Variants in NADSYN1 observed in about 807,000 individuals in gnomAD.
The protein encoded by NADSYN1 is NAD synthetase 1, also known as glutamine-dependent NAD(+) synthetase.
Under a neutral mutation model 99.3 loss-of-function variants are expected in NADSYN1, and 80 were observed. That is an observed-to-expected ratio of 0.81 (90% CI 0.67 to 0.97). The LOEUF is 0.97. NADSYN1 is among the 50% of genes least tolerant of loss of function. The pLI is 0.00. For synonymous variants in NADSYN1, 385 were observed against 372.1 expected (o/e 1.03, Z -0.40); for missense variants, 859 against 948.5 (o/e 0.91, Z 1.24).
chr11:71,473,770 C>A, intron 8 of NADSYN1, 84 bp downstream of exon 8: 2 of 972,588 alleles, frequency 2.1e-6, no homozygotes, highest in Non-Finnish European at 3.2e-6. Context: ...CATCGCAGGG[C>A]TGGGCCCACA....
chr11:71,470,958 G>A (rs114105886), intron 5 of NADSYN1, among the ~76,000 whole-genome samples: 3,081 of 152,142 alleles, frequency 0.02, 90 homozygotes, highest in African/African-American at 0.071. Flanking sequence ...TCTTCACAGG[G>A]CTCTATCCTG....
chr11:71,477,196 T>C, intron 9 of NADSYN1: 1 of 1,179,274 alleles, frequency 8.5e-7, no homozygotes, highest in Middle Eastern at 2.4e-4. Context: ...CGGCTTGTCG[T>C]GTGCCTGGAG....
chr11:71,480,095 G>C (rs1949695631), intron 10 of NADSYN1: 1 of 152,240 alleles, frequency 6.6e-6, no homozygotes, highest in African/African-American at 2.4e-5. Flanking sequence ...CATTTCTCTT[G>C]GGTGTGTCTA....
chr11:71,457,072 T>TCAC (rs1239820836), intron 2 of NADSYN1, among the ~76,000 whole-genome samples: 2 of 152,258 alleles, frequency 1.3e-5, no homozygotes, highest in African/African-American at 4.8e-5. Flanking sequence ...TGCTGCTGAC[T>TCAC]CACCGAAGGG....
rs967452778 is a variant in NADSYN1 at position 71,473,447 on chromosome 11, G to GGGCCGT, written c.549-101_549-96dup. On this transcript the variant is annotated intron_variant, in intron 7 of 20. Transcript: ENST00000319023. ...AGGACCTGGGACTGCAGACGTCCTG[G>GGGCCGT]GGCCGTGGCCGTGGCCGTGGCCGTG... 7.5e-5 allele frequency: 116 copies of GGGCCGT among 1,539,948 alleles called. No homozygotes were observed. In the East Asian group the frequency reaches 1.2e-3, roughly 16 times the overall value.
intron 5 of NADSYN1, among the ~76,000 whole-genome samples, chr11:71,465,565 G>A (rs563969724): frequency 3.3e-5 from 5 of 152,200 alleles, no homozygotes; most frequent in Admixed American, 6.5e-5. Flanking sequence ...ATGGGGCGTC[G>A]GCCATGTGCA....
chr11:71,467,082 G>A (rs1326215319), intron 5 of NADSYN1, among the ~76,000 whole-genome samples: 2 of 152,226 alleles, frequency 1.3e-5, no homozygotes. Flanking sequence ...AGAGAGGGAA[G>A]GCTGAACACA....
chr11:71,461,873 A>G (rs909293132), intron 3 of NADSYN1, among the ~76,000 whole-genome samples: 3 of 152,232 alleles, frequency 2.0e-5, no homozygotes, highest in Non-Finnish European at 4.4e-5. Flanking sequence ...ACAGTAGGAC[A>G]TGAGATTTGG....
In NADSYN1 at chr11:71,501,569, C is replaced by T. The variant is rs1949857967; in HGVS notation, c.*217C>T. On this transcript the variant is annotated 3_prime_UTR_variant, in exon 21 of 21. Coordinates refer to ENST00000319023, the MANE Select transcript of NADSYN1 (RefSeq NM_018161.5). ...TGGAATCCAATGCACATGATTTTGACCTCCCGCCAGCGTGCGCTTCCCCGC... is the reference window on the plus strand; with the variant it reads ...TGGAATCCAATGCACATGATTTTGATCTCCCGCCAGCGTGCGCTTCCCCGC... 5.4e-6 allele frequency: 3 copies of T among 552,556 alleles called. No individual in the cohort carries two copies. In the Admixed American group the frequency reaches 1.0e-4, roughly 19 times the overall value. 34.2% of individuals were successfully genotyped at this position (552,556 alleles called of 1,614,324 possible).
Position 71,482,922 on chromosome 11 carries a change from C to T in NADSYN1, c.1224C>T (p.Leu408=). The T allele has an allele frequency of 1.2e-6, 2 of 1,613,326 alleles. No individual in the cohort carries two copies. Among genetic ancestry groups the T allele is most frequent in the Middle Eastern group, 1.7e-4 (1 of 5,772 alleles). Residue 408 remains leucine (L), a synonymous_variant, in exon 14 of 21, where the codon CTC becomes CTT. Coordinates refer to ENST00000319023, the MANE Select transcript of NADSYN1 (RefSeq NM_018161.5). ...ACACCCCCCAGGATCCCCGAGACCT[C>T]TGTGGACGCATACTGACCACCTGCT... ...ISYTPQDPRD[L]CGRILTTCYM...
chr11:71,467,375 G>C (rs974988516), intron 5 of NADSYN1, among the ~76,000 whole-genome samples: 10 of 152,130 alleles, frequency 6.6e-5, no homozygotes, highest in African/African-American at 2.4e-4. Flanking sequence ...TGACATTTAA[G>C]GAAAATGAGA....
At chr11:71,480,654 C>T (rs900321152) in intron 10 of NADSYN1, 101 bp from the exon 11 acceptor site, 114 of 1,564,800 alleles carry the variant, frequency 7.3e-5, no homozygotes, top group Non-Finnish European at 9.3e-5. Context: ...TTTTGACATG[C>T]GTTTCTGTGG....
chr11:71,455,078 G>C, intron 1 of NADSYN1, 32 bp from the exon 2 acceptor site: 1 of 1,554,658 alleles, frequency 6.4e-7, no homozygotes, highest in Non-Finnish European at 8.9e-7. Context: ...TGCTGAAATT[G>C]CTCCATTTTC....
At chr11:71,481,156 G>A (rs1949704344) in intron 11 of NADSYN1, 200 bp from the exon 12 acceptor site, 7 of 669,206 alleles carry the variant, frequency 1.0e-5, no homozygotes, top group East Asian at 2.6e-5. Context: ...AAATGAGGAC[G>A]ATGATAATAC....
At chr11:71,491,733 C>T (rs577329327) in intron 17 of NADSYN1, 101 bp from the exon 18 acceptor site, 242 of 1,091,416 alleles carry the variant, frequency 2.2e-4, no homozygotes, top group Non-Finnish European at 3.1e-4. Context: ...ACGGAGTGGC[C>T]GGGACCAGCG....
chr11:71,483,556 G>A lies in NADSYN1; in HGVS notation c.1319+539G>A, dbSNP rs187947250. Among the ~76,000 whole-genome samples, 18 of 152,282 alleles carry A rather than the reference G, an allele frequency of 1.2e-4. No homozygotes were observed. The East Asian group carries it at 3.3e-3, about 28-fold the overall frequency. ...ACAGTGGAAGGAGGGCACCTTTCCGGAGAAGAAAGACTGGGTTCTATCTAG... is the reference window on the plus strand; with the variant it reads ...ACAGTGGAAGGAGGGCACCTTTCCGAAGAAGAAAGACTGGGTTCTATCTAG... On this transcript the variant is annotated intron_variant, in intron 14 of 20. Transcript: ENST00000319023.
At chr11:71,473,004 T>C (rs1220973650) in intron 6 of NADSYN1, among the ~76,000 whole-genome samples, 2 of 152,192 alleles carry the variant, frequency 1.3e-5, no homozygotes, top group South Asian at 2.1e-4. Context: ...CTGGCCCCAA[T>C]TGGCAGCCCC....
chr11:71,481,462 T>A, intron 12 of NADSYN1, 58 bp downstream of exon 12: 1 of 1,555,882 alleles, frequency 6.4e-7, no homozygotes, highest in Non-Finnish European at 8.9e-7. Context: ...TGGTCTGGTT[T>A]TATTCTGGGG....
rs141992848 is a variant in NADSYN1, at chr11:71,494,728, T to C, written c.1765-2755T>C. ...GCACCTCCACGCCTGGCTAATTTTG[T>C]ATTTTTAGTAGAGACGGGGTTTTTC... On this transcript the variant is annotated intron_variant, in intron 18 of 20. Transcript: ENST00000319023. Among the ~76,000 whole-genome samples the C allele has an allele frequency of 2.5e-4, 38 of 152,266 alleles. No individual in the cohort carries two copies. The East Asian group carries it at 6.0e-3, about 24-fold the overall frequency.
Sources: allele counts gnomAD v4.1 joint callset (sites outside exome capture counted in the v4.1 genomes callset), GRCh38; gene constraint gnomAD v4.1.1; transcripts MANE v1.5; gene names NCBI Gene and HGNC (gene_info 2026-07-23, HGNC 2026-07-21).